The following OTOF variants were observed in gnomAD, a reference collection of about 807,000 sequenced individuals.
The protein encoded by OTOF is fer-1-like family member 2.
In OTOF, 218 loss-of-function variants were observed where a neutral mutation model predicts 236.8. That is an observed-to-expected ratio of 0.92 (90% confidence interval 0.82 to 1.03). OTOF has a LOEUF of 1.03. Among genes scored for constraint, OTOF ranks in the 50% least tolerant of loss-of-function variants. The pLI is 0.00. For synonymous variants in OTOF, 1,041 were observed against 1,072.5 expected (o/e 0.97, Z 0.57); for missense variants, 2,590 against 2,694.4 (o/e 0.96, Z 0.86).
chr2:26,481,158 T>A (rs1405163524), intron 14 of OTOF, 149 bp from the exon 15 acceptor site: 2 of 652,058 alleles, frequency 3.1e-6, no homozygotes, highest in Admixed American at 4.6e-5. Flanking sequence ...GCAGCCTTCT[T>A]ACACTGCGCT....
At chr2:26,514,341 G>A (rs569150857) in intron 5 of OTOF, among the ~76,000 whole-genome samples, 1 of 152,272 alleles carries the variant, frequency 6.6e-6, no homozygotes, top group African/African-American at 2.4e-5. Context: ...TGCTACCCTG[G>A]GAGGGGCCAC....
At chr2:26,538,308 G>A (rs899944806) in intron 1 of OTOF, among the ~76,000 whole-genome samples, 15 of 152,334 alleles carry the variant, frequency 9.8e-5, no homozygotes, top group Non-Finnish European at 1.8e-4. Context: ...GCCATTCCCC[G>A]TGGGCCAAGG....
At chr2:26,459,886 TTGTG>T (rs1330748975) in intron 46 of OTOF, 118 bp downstream of exon 46, 48 of 944,472 alleles carry the variant, frequency 5.1e-5, no homozygotes, top group South Asian at 2.3e-4. Flanking sequence ...GCATACATGC[TTGTG>T]TGTGTTTGTG....
intron 12 of OTOF, among the ~76,000 whole-genome samples, chr2:26,483,992 T>C (rs1665635457): frequency 6.6e-6 from 1 of 152,248 alleles, no homozygotes; most frequent in Admixed American, 6.5e-5. Context: ...TTTTGTGCCG[T>C]ATCTTTTGTT....
chr2:26,512,287 C>G (rs1666410574), intron 5 of OTOF, among the ~76,000 whole-genome samples: 1 of 152,222 alleles, frequency 6.6e-6, no homozygotes, highest in Non-Finnish European at 1.5e-5. Flanking sequence ...AAGACTAAAG[C>G]TGGGATTTCT....
rs1665349584 is a variant in OTOF, at chr2:26,477,255, C to T, written c.2440G>A (p.Ala814Thr). 1.9e-6 allele frequency: 3 copies of T among 1,609,110 alleles called. No homozygotes were observed. The highest frequency in any genetic ancestry group is 2.5e-6 in the Non-Finnish European group (3 of 1,178,976). ...NMGQQARMLR[A>T]QVKRHTVRDK... is the part of the protein sequence containing the mutation. ...CGCACCGTGTGCCGCTTCACCTGGG[C>T]CCGCAGCATCCTGGCCTGCTGCCCC... Residue 814 changes from alanine to threonine, a missense_variant, in exon 21 of 47, where the codon GCC becomes ACC. Transcript: ENST00000272371. The surrounding 1 kb of genome is among the most constrained non-coding windows in gnomAD (Gnocchi z 4.7).
At chr2:26,546,258 C>T (rs1054912049) in intron 1 of OTOF, among the ~76,000 whole-genome samples, 1 of 152,010 alleles carries the variant, frequency 6.6e-6, no homozygotes, top group African/African-American at 2.4e-5. Context: ...GTCAGGAGTT[C>T]GAGACCAGCC....
intron 5 of OTOF, chr2:26,510,847 T>A: frequency 7.5e-6 from 5 of 667,524 alleles, no homozygotes; most frequent in Non-Finnish European, 1.1e-5. Context: ...GCCTGCACGC[T>A]CCCCGGGGGC....
At chr2:26,522,270 T>TATAAAGAAAAG (rs1165007784) in intron 3 of OTOF, among the ~76,000 whole-genome samples, 12 of 152,220 alleles carry the variant, frequency 7.9e-5, no homozygotes, top group African/African-American at 2.7e-4. Context: ...TTATGTAAAG[T>TATAAAGAAAAG]ATAAAGAAAA....
intron 5 of OTOF, 24 bp from the exon 6 acceptor site, chr2:26,503,869 AG>A: frequency 6.2e-7 from 1 of 1,604,560 alleles, no homozygotes; most frequent in Non-Finnish European, 8.5e-7. Flanking sequence ...CACCAGAATG[AG>A]GTGCAGGGAG....
At chr2:26,555,619 C>T (rs541223505) in intron 1 of OTOF, among the ~76,000 whole-genome samples, 20 of 152,246 alleles carry the variant, frequency 1.3e-4, no homozygotes, top group African/African-American at 4.1e-4. Flanking sequence ...ACAGGAGTCT[C>T]GGGGGTCTGC....
intron 25 of OTOF, among the ~76,000 whole-genome samples, chr2:26,475,012 C>T (rs371583785): frequency 2.0e-5 from 3 of 151,998 alleles, no homozygotes; most frequent in Non-Finnish European, 2.9e-5. Context: ...AGAACCTCCA[C>T]GGAGGATGGC....
intron 11 of OTOF, among the ~76,000 whole-genome samples, chr2:26,485,297 A>T (rs1665673793): frequency 7.9e-5 from 12 of 152,092 alleles, no homozygotes. Context: ...CATTTTGCTC[A>T]AGTCTCTCCT....
At chr2:26,478,888 G>A (rs1013464519) in intron 18 of OTOF, among the ~76,000 whole-genome samples, 8 of 152,088 alleles carry the variant, frequency 5.3e-5, no homozygotes, top group Non-Finnish European at 8.8e-5. Context: ...TAGTAGAGAC[G>A]GCATTTCACT....
intron 46 of OTOF, among the ~76,000 whole-genome samples, chr2:26,459,004 A>C (rs566115424): frequency 6.6e-6 from 1 of 152,168 alleles, no homozygotes; most frequent in South Asian, 2.1e-4. Context: ...AGCAGTACCT[A>C]CCTCCTGGGT....
rs774071539 is a variant in OTOF at position 26,464,083 on chromosome 2, G to T, written c.4984C>A (p.His1662Asn). 6.2e-7 allele frequency: 1 copy of T among 1,613,616 alleles called. No individual in the cohort carries two copies. Among genetic ancestry groups the T allele is most frequent in the Non-Finnish European group, 8.5e-7 (1 of 1,180,008 alleles). The change falls in exon 40 of 47, where the codon CAT becomes AAT. Residue 1662 changes from histidine (H) to asparagine (N), a missense_variant. Around this residue, in one of 2 missense-constraint regions of OTOF, gnomAD observed 1,211 missense variants for 1,352.8 expected, o/e 0.90. Transcript: ENST00000272371. ...ENGQRKPTDE[H>N]VALLALRHWE... ...TGCCTCAGGGCCAACAGCGCCACAT[G>T]CTCGTCTGTGGGCTTCCTCTGACCT...
At position 26,479,527 on chromosome 2, in the gene OTOF, C is replaced by T. The variant is rs751952710; in HGVS notation, c.2039G>A (p.Gly680Glu). The T allele has an allele frequency of 2.8e-5, 45 of 1,607,026 alleles. No homozygotes were observed. The highest frequency in any genetic ancestry group is 3.6e-5 in the Non-Finnish European group (42 of 1,177,728). Residue 680 changes from glycine (G) to glutamate (E), a missense_variant, in exon 17 of 47, where the codon GGG becomes GAG. Transcript: ENST00000272371. Reference protein sequence around the residue: ...NASDDEAGDAGDLASVSSTPP... With the variant: ...NASDDEAGDAEDLASVSSTPP... ...AGTGGAGGAGACTGAGGCCAGGTCC[C>T]CGGCATCACCGGCCTCGTCATCACT... is the stretch of plus-strand genomic sequence containing the variant.
chr2:26,480,781 C>T lies in OTOF; in HGVS notation c.1803+5G>A, dbSNP rs1665517109. ...TGGGGGACAGCACAGTGCCTGGGGT[C>T]TCACCTCCGAGATGGGCGTGGCCTG... On this transcript the variant is annotated splice_donor_5th_base_variant and intron_variant, in intron 15 of 46. Coordinates refer to ENST00000272371, the MANE Select transcript of OTOF (RefSeq NM_194248.3). The T allele has an allele frequency of 6.2e-7, 1 of 1,610,188 alleles. No homozygotes were observed. The highest frequency in any genetic ancestry group is 8.5e-7 in the Non-Finnish European group (1 of 1,178,888).
chr2:26,545,766 A>G (rs1667315954), intron 1 of OTOF, among the ~76,000 whole-genome samples: 1 of 152,190 alleles, frequency 6.6e-6, no homozygotes, highest in Non-Finnish European at 1.5e-5. Flanking sequence ...CTCCATATAG[A>G]TACCTAGTTC....
Sources: gnomAD v4.1 joint callset for allele counts (sites outside exome capture counted in the v4.1 genomes callset) on GRCh38, gnomAD v4.1.1 for gene constraint, gnomAD v4.1.1 regional missense constraint, Gnocchi (gnomAD v3.1) non-coding constraint, MANE v1.5 for transcripts, NCBI Gene and HGNC (gene_info 2026-07-23, HGNC 2026-07-21) for gene names.